The following ATPAF1 variants were observed in gnomAD, a reference collection of about 807,000 sequenced individuals.
ATPAF1 encodes homolog of yeast ATP11.
ATPAF1 carries 26 observed loss-of-function variants against 43.9 expected under a neutral mutation model. The ratio of observed to expected loss-of-function variants is 0.59; its 90% CI spans 0.43 to 0.82. The LOEUF (loss-of-function observed/expected upper bound fraction) is 0.82, where lower values mean the gene tolerates loss of function less well. Ranked by LOEUF, ATPAF1 falls within the 40% of genes least tolerant of loss-of-function variation. The pLI is 0.00. For missense variants in ATPAF1, 366 were observed against 435.0 expected (o/e 0.84, Z 1.41); for synonymous variants, 157 against 168.0 (o/e 0.93, Z 0.50).
intron 6 of ATPAF1, among the ~76,000 whole-genome samples, chr1:46,650,226 C>A (rs545141394): frequency 6.6e-6 from 1 of 151,930 alleles, no homozygotes; most frequent in Admixed American, 6.6e-5. Flanking sequence ...GCATCTCAGC[C>A]CAGTTTGAAC....
chr1:46,633,426 A>C (rs373954947), downstream of ATPAF1: 2,013 of 215,514 alleles, frequency 9.3e-3, 43 homozygotes, highest in African/African-American at 0.044. Context: ...TGGAAAAAAA[A>C]CCCCAAAATT....
intron 4 of ATPAF1, among the ~76,000 whole-genome samples, chr1:46,654,512 G>A (rs1676226649): frequency 2.3e-5 from 3 of 129,878 alleles, no homozygotes; most frequent in South Asian, 2.5e-4. Flanking sequence ...CTGAGACTGG[G>A]CAATTTATTT....
intron 8 of ATPAF1, among the ~76,000 whole-genome samples, chr1:46,642,465 C>T (rs1311383742): frequency 6.6e-6 from 1 of 152,200 alleles, no homozygotes; most frequent in Non-Finnish European, 1.5e-5. Context: ...CACAACACTG[C>T]TCCTGGCACC....
chr1:46,645,344 C>G, intron 6 of ATPAF1, 88 bp from the exon 7 acceptor site: 1 of 1,081,532 alleles, frequency 9.2e-7, no homozygotes. Flanking sequence ...ATTCCATTTC[C>G]TCCATATTTG....
At chr1:46,642,615 T>C (rs1557926409) in intron 8 of ATPAF1, among the ~76,000 whole-genome samples, 1 of 152,158 alleles carries the variant, frequency 6.6e-6, no homozygotes, top group African/African-American at 2.4e-5. Flanking sequence ...AAATGAACAG[T>C]ATGAAGGAAG....
chr1:46,640,163 A>G (rs1251071229), intron 8 of ATPAF1, among the ~76,000 whole-genome samples: 5 of 152,226 alleles, frequency 3.3e-5, no homozygotes, highest in African/African-American at 1.2e-4. Context: ...TTCCATGGTC[A>G]ATAATCATTC....
chr1:46,633,493 T>C, downstream of ATPAF1: 1 of 333,478 alleles, frequency 3.0e-6, no homozygotes. Flanking sequence ...AACACTAACA[T>C]ATGAACCCAG....
chr1:46,667,923 G>A, intron 1 of ATPAF1, 134 bp downstream of exon 1: 1 of 690,422 alleles, frequency 1.4e-6, no homozygotes, highest in Non-Finnish European at 2.0e-6. Context: ...ACCTAGCCTC[G>A]CGGAGCCTGG....
At chr1:46,633,760 T>A (rs1451348844), downstream of ATPAF1, 1 of 456,200 alleles carries the variant, frequency 2.2e-6, no homozygotes, top group South Asian at 1.5e-5. Context: ...TTACTCCTTT[T>A]TCCATCATTT....
Position 46,668,133 on chromosome 1 carries a change from C to T in ATPAF1, c.190G>A (p.Gly64Arg). The T allele has an allele frequency of 1.4e-6, 2 of 1,418,074 alleles. No homozygotes were observed. Among genetic ancestry groups the T allele is most frequent in the Non-Finnish European group, 1.8e-6 (2 of 1,086,070 alleles). 87.8% of individuals were successfully genotyped at this position (1,418,074 alleles called of 1,614,324 possible). Reference sequence around the variant, plus strand: ...TGGAGCTCGGCCTCGGCCCCGACCCCGCTGCTGTCGGCGCCCCCCTCGGGC... The same window carrying T: ...TGGAGCTCGGCCTCGGCCCCGACCCTGCTGCTGTCGGCGCCCCCCTCGGGC... The change falls in exon 1 of 9, where the codon GGG (glycine) becomes AGG (arginine). Residue 64 changes from glycine (G) to arginine (R), a missense_variant. Gly to Arg is a moderately radical substitution (Grantham distance 125, BLOSUM62 -2). This residue lies in a region of ATPAF1 where 186 missense variants were observed against 168.5 expected (regional missense o/e 1.10). Coordinates refer to ENST00000574428, the Ensembl canonical transcript of ATPAF1. This position sits in a 1 kb window ranked among gnomAD's most constrained non-coding sequence, Gnocchi z 4.4.
At chr1:46,661,372 G>A (rs1334453138) in intron 2 of ATPAF1, among the ~76,000 whole-genome samples, 2 of 152,058 alleles carry the variant, frequency 1.3e-5, no homozygotes, top group Non-Finnish European at 2.9e-5. Flanking sequence ...CACTGCACCC[G>A]GTGGTTTTAG....
intron 2 of ATPAF1, among the ~76,000 whole-genome samples, chr1:46,659,191 A>C (rs1474731234): frequency 6.6e-6 from 1 of 152,164 alleles, no homozygotes; most frequent in Non-Finnish European, 1.5e-5. Context: ...ACTCTGTCTC[A>C]TAAAATAAAA....
At chr1:46,658,855 C>G (rs955911708) in intron 2 of ATPAF1, 118 bp from the exon 3 acceptor site, 2 of 576,932 alleles carry the variant, frequency 3.5e-6, no homozygotes, top group Non-Finnish European at 5.8e-6. Context: ...TCACTTCTCT[C>G]CACTTTTTAT....
chr1:46,651,424 A>C (rs1358326847), intron 6 of ATPAF1, among the ~76,000 whole-genome samples: 1 of 152,140 alleles, frequency 6.6e-6, no homozygotes, highest in East Asian at 1.9e-4. Flanking sequence ...GTTGGTTCCA[A>C]GTCTTTGCTA....
At chr1:46,646,517 A>T (rs943090117) in intron 6 of ATPAF1, among the ~76,000 whole-genome samples, 1 of 152,242 alleles carries the variant, frequency 6.6e-6, no homozygotes, top group African/African-American at 2.4e-5. Flanking sequence ...TGAGTAGTAG[A>T]GAAAAGAATG....
chr1:46,652,279 T>G (rs986116012), intron 6 of ATPAF1: 10 of 255,804 alleles, frequency 3.9e-5, no homozygotes, highest in Non-Finnish European at 5.9e-5. Context: ...TACCGATAGA[T>G]TAAGATCTAC....
intron 6 of ATPAF1, among the ~76,000 whole-genome samples, chr1:46,649,427 A>G (rs1676122594): frequency 6.6e-6 from 1 of 152,206 alleles, no homozygotes; most frequent in Non-Finnish European, 1.5e-5. Flanking sequence ...TGTTTTAATT[A>G]CTGTATCTTT....
chr1:46,644,994 G>A (rs1406326176), intron 7 of ATPAF1, among the ~76,000 whole-genome samples, 167 bp downstream of exon 7: 1 of 152,162 alleles, frequency 6.6e-6, no homozygotes, highest in Non-Finnish European at 1.5e-5. Flanking sequence ...GTATTGAGGA[G>A]GGCCTAGAAA....
At chr1:46,650,671 C>A (rs1676147556) in intron 6 of ATPAF1, among the ~76,000 whole-genome samples, 2 of 152,094 alleles carry the variant, frequency 1.3e-5, no homozygotes, top group African/African-American at 4.8e-5. Flanking sequence ...TATCTATACA[C>A]AATGGAATAC....
Sources: allele counts gnomAD v4.1 joint callset (sites outside exome capture counted in the v4.1 genomes callset), GRCh38; gene constraint gnomAD v4.1.1; regional missense constraint gnomAD v4.1.1; non-coding constraint Gnocchi (gnomAD v3.1); transcripts MANE v1.5; gene names NCBI Gene and HGNC (gene_info 2026-07-23, HGNC 2026-07-21).